NARS2: variants seen among roughly 807,000 people sequenced by gnomAD.
NARS2 encodes the protein asparaginyl-tRNA synthetase 2, mitochondrial, also known as asparaginyl-tRNA synthetase.
A neutral mutation model predicts 62.9 loss-of-function variants in NARS2; 60 were observed. That is an observed-to-expected ratio of 0.95 (90% CI 0.77 to 1.18). NARS2 has a LOEUF of 1.18. NARS2 is among the 50% of genes most tolerant of loss of function. The pLI is 0.00. For synonymous variants in NARS2, 196 were observed against 200.0 expected (o/e 0.98, Z 0.17); for missense variants, 619 against 576.4 (o/e 1.07, Z -0.76).
chr11:78,513,366 A>AT (rs1860788058), intron 6 of NARS2, among the ~76,000 whole-genome samples: 2 of 145,632 alleles, frequency 1.4e-5, no homozygotes, highest in East Asian at 4.0e-4. Context: ...TTTTGTACCT[A>AT]TTAACCACCC....
intron 6 of NARS2, among the ~76,000 whole-genome samples, chr11:78,505,195 G>C (rs1015560107): frequency 6.6e-6 from 1 of 151,242 alleles, no homozygotes; most frequent in Non-Finnish European, 1.5e-5. Flanking sequence ...TGAGGAGGGA[G>C]GATCACTTCA....
intron 11 of NARS2, among the ~76,000 whole-genome samples, chr11:78,448,604 C>G (rs906652738): frequency 3.9e-5 from 6 of 152,134 alleles, no homozygotes; most frequent in Non-Finnish European, 1.5e-5. Flanking sequence ...AACCACTGTG[C>G]CCGGCAGTAA....
At chr11:78,463,935 C>T (rs1175130250) in intron 11 of NARS2, among the ~76,000 whole-genome samples, 3 of 152,158 alleles carry the variant, frequency 2.0e-5, no homozygotes, top group African/African-American at 7.2e-5. Context: ...CCAGCTTTTC[C>T]TTTGCCTGAT....
At chr11:78,489,441 T>C (rs921515604) in intron 7 of NARS2, among the ~76,000 whole-genome samples, 5 of 152,168 alleles carry the variant, frequency 3.3e-5, no homozygotes, top group Admixed American at 3.3e-4. Context: ...CTGACAGTAC[T>C]TGGTACTAAT....
At chr11:78,542,024 C>T (rs1855640451) in intron 5 of NARS2, among the ~76,000 whole-genome samples, 1 of 152,136 alleles carries the variant, frequency 6.6e-6, no homozygotes, top group Non-Finnish European at 1.5e-5. Flanking sequence ...TTTATGTTTC[C>T]ATACTTTCCA....
At chr11:78,449,765 A>G (rs1857899442) in intron 11 of NARS2, among the ~76,000 whole-genome samples, 1 of 152,210 alleles carries the variant, frequency 6.6e-6, no homozygotes. Flanking sequence ...TACCCACTAT[A>G]GGCCAGTTAT....
Position 78,505,454 on chromosome 11 carries a change from G to GT in NARS2, c.690-12260dup, listed in dbSNP as rs969856149. Among the ~76,000 whole-genome samples the GT allele has an allele frequency of 7.9e-3, 1,139 of 145,028 alleles. 12 individuals are homozygous for GT. The highest frequency in any genetic ancestry group is 0.029 in the Middle Eastern group (8 of 278). On this transcript the variant is annotated intron_variant, in intron 6 of 13. Transcript: ENST00000281038. ...GTTTTTAAATGCATTTTCTGATGGA[G>GT]TTTTTTTTTTTTAACTGATTTTTCC...
At chr11:78,569,480 T>C (rs1856846696) in intron 2 of NARS2, among the ~76,000 whole-genome samples, 1 of 152,226 alleles carries the variant, frequency 6.6e-6, no homozygotes, top group Non-Finnish European at 1.5e-5. Flanking sequence ...TAACATTTCA[T>C]AATTACAGTA....
Position 78,534,871 on chromosome 11 carries a change from T to C in NARS2, c.595-5935A>G, listed in dbSNP as rs539017203. On this transcript the variant is annotated intron_variant, in intron 5 of 13. Transcript: ENST00000281038. ...GAAAGAGCATGGAAAAAAACCTCCA[T>C]TTGTGTTAATCCTTGGGAATTAAGG... 3.7e-4 allele frequency among the ~76,000 whole-genome samples: 57 copies of C among 152,334 alleles called. 1 individual carries two copies. Among genetic ancestry groups the C allele is most frequent in the African/African-American group, 1.2e-3 (51 of 41,580 alleles).
At chr11:78,547,654 A>G (rs143029447) in intron 5 of NARS2, among the ~76,000 whole-genome samples, 1,640 of 152,210 alleles carry the variant, frequency 0.011, 35 homozygotes, top group African/African-American at 0.039. Context: ...CCAAAATGGC[A>G]AAACTCTGAC....
intron 11 of NARS2, among the ~76,000 whole-genome samples, chr11:78,464,872 A>T (rs1428460911): frequency 6.6e-6 from 1 of 152,224 alleles, no homozygotes; most frequent in East Asian, 1.9e-4. Flanking sequence ...AAGGTTCTCC[A>T]CGTCCCCACC....
At chr11:78,535,256 T>C (rs1861629203) in intron 5 of NARS2, among the ~76,000 whole-genome samples, 1 of 152,214 alleles carries the variant, frequency 6.6e-6, no homozygotes, top group Non-Finnish European at 1.5e-5. Flanking sequence ...ATTTCTGTTG[T>C]TTCCAGCACC....
At chr11:78,511,016 G>A (rs769999194) in intron 6 of NARS2, among the ~76,000 whole-genome samples, 6 of 152,164 alleles carry the variant, frequency 3.9e-5, no homozygotes, top group Non-Finnish European at 7.4e-5. Flanking sequence ...AAAGAGACTC[G>A]AGCCAAAGGA....
At chr11:78,500,352 A>G (rs1033679432) in intron 6 of NARS2, among the ~76,000 whole-genome samples, 21 of 152,238 alleles carry the variant, frequency 1.4e-4, no homozygotes, top group African/African-American at 4.8e-4. Flanking sequence ...TAAAGATGAA[A>G]TGAAATAAAT....
chr11:78,552,217 C>T (rs981085432), intron 5 of NARS2, among the ~76,000 whole-genome samples: 1 of 152,322 alleles, frequency 6.6e-6, no homozygotes, highest in South Asian at 2.1e-4. Context: ...TATCATTTAG[C>T]TCCCACTTAC....
At chr11:78,471,573 G>A (rs543797720) in intron 9 of NARS2, among the ~76,000 whole-genome samples, 1 of 149,598 alleles carries the variant, frequency 6.7e-6, no homozygotes, top group African/African-American at 2.5e-5. Context: ...TAGGGTACAT[G>A]TGCACATTGT....
chr11:78,496,842 A>G (rs1013981661), intron 6 of NARS2, among the ~76,000 whole-genome samples: 4 of 152,110 alleles, frequency 2.6e-5, no homozygotes, highest in African/African-American at 9.7e-5. Flanking sequence ...ATTGATCTCT[A>G]CTGTCTTTTG....
At chr11:78,516,267 A>T (rs1324351572) in intron 6 of NARS2, among the ~76,000 whole-genome samples, 1 of 152,200 alleles carries the variant, frequency 6.6e-6, no homozygotes, top group African/African-American at 2.4e-5. Flanking sequence ...TACACCATAA[A>T]ATGCTCTACA....
Position 78,568,734 on chromosome 11 carries a change from A to C in NARS2, c.270T>G (p.Ser90Arg). The stretch of plus-strand genomic sequence containing the variant: ...TCAGCTGCCCTTGTACTTCCACAGA[A>C]CTCCCAAAATTTAATTCTCTATAGT... ...GLDSRELNFG[S>R]SVEVQGQLIK... The change falls in exon 3 of 14, where the codon AGT becomes AGG. Residue 90 changes from serine (S) to arginine (R), a missense_variant. Coordinates refer to ENST00000281038, the MANE Select transcript of NARS2 (RefSeq NM_024678.6). The C allele has an allele frequency of 1.2e-6, 2 of 1,608,600 alleles. No individual in the cohort carries two copies. Among genetic ancestry groups the C allele is most frequent in the South Asian group, 2.2e-5 (2 of 90,350 alleles).
Sources: allele counts gnomAD v4.1 joint callset (sites outside exome capture counted in the v4.1 genomes callset), GRCh38; gene constraint gnomAD v4.1.1; transcripts MANE v1.5; gene names NCBI Gene and HGNC (gene_info 2026-07-23, HGNC 2026-07-21).